Variants in LYZL1 observed in about 807,000 individuals in gnomAD.
LYZL1 encodes the protein lysozyme like 1.
Under a neutral mutation model 17.9 loss-of-function variants are expected in LYZL1, and 16 were observed. That is an observed-to-expected ratio of 0.90 (90% confidence interval 0.61 to 1.36). LYZL1 has a LOEUF of 1.36. Ranked by LOEUF, LYZL1 falls within the 40% of genes most tolerant of loss-of-function variation. LYZL1 has a pLI of 0.00. For missense variants in LYZL1, 149 were observed against 188.4 expected, an observed-to-expected ratio of 0.79 and a Z score of 1.22; for synonymous variants, 58 against 71.8, an observed-to-expected ratio of 0.81 and a Z score of 0.97.
At chr10:29,296,305 C>A (rs951885120) in intron 3 of LYZL1, among the ~76,000 whole-genome samples, 11 of 152,116 alleles carry the variant, frequency 7.2e-5, no homozygotes, top group Admixed American at 4.6e-4. Flanking sequence ...ACATCTGAAT[C>A]CTAAATCAGC....
chr10:29,316,921 T>C (rs1440218674), intron 3 of LYZL1, among the ~76,000 whole-genome samples: 1 of 152,132 alleles, frequency 6.6e-6, no homozygotes, highest in Non-Finnish European at 1.5e-5. Flanking sequence ...TCTTGCTATG[T>C]TGCCCAAGCT....
chr10:29,315,803 C>T (rs1455921805), downstream of LYZL1, among the ~76,000 whole-genome samples: 1 of 151,118 alleles, frequency 6.6e-6, no homozygotes, highest in Non-Finnish European at 1.5e-5. Context: ...GAGCTCTGAC[C>T]GTACCACCGC....
chr10:29,303,431 A>G (rs1183124004), intron 3 of LYZL1, among the ~76,000 whole-genome samples: 1 of 152,170 alleles, frequency 6.6e-6, no homozygotes, highest in Non-Finnish European at 1.5e-5. Context: ...ACAATTTTTC[A>G]TCTATTTTGT....
chr10:29,305,659 C>G (rs1347011399), intron 3 of LYZL1, among the ~76,000 whole-genome samples: 1 of 152,198 alleles, frequency 6.6e-6, no homozygotes, highest in African/African-American at 2.4e-5. Flanking sequence ...TTAGTTTTCA[C>G]TGTAGAATTG....
rs1835665830 is a variant in LYZL1, at chr10:29,311,097, T to A, written c.*38T>A. The A allele has an allele frequency of 6.2e-7, 1 of 1,613,990 alleles. No homozygotes were observed. Among genetic ancestry groups the A allele is most frequent in the African/African-American group, 1.3e-5 (1 of 74,948 alleles). On this transcript the variant is annotated 3_prime_UTR_variant, in exon 5 of 5. Transcript: ENST00000649382. The stretch of plus-strand genomic sequence containing the variant: ...CCCAGGATGCTTTGCAGCAACGCCC[T>A]AGGATTTGCAGTGAATGTCCAAATG...
exon 5 of LYZL1, chr10:29,318,177 A>G (rs1045295742): frequency 2.6e-5 from 26 of 985,276 alleles, no homozygotes; most frequent in Middle Eastern, 5.2e-4. Context: ...ATTCCAAACT[A>G]CAAGGGAAAA....
intron 3 of LYZL1, among the ~76,000 whole-genome samples, chr10:29,304,619 A>C (rs565336990): frequency 6.6e-6 from 1 of 152,212 alleles, no homozygotes; most frequent in Non-Finnish European, 1.5e-5. Context: ...TTCTTTATTC[A>C]TGTTTGACAG....
downstream of LYZL1, among the ~76,000 whole-genome samples, chr10:29,315,960 C>G (rs765504613): frequency 1.3e-5 from 2 of 152,234 alleles, no homozygotes; most frequent in Non-Finnish European, 2.9e-5. Context: ...GCCAGGCTTC[C>G]TCTGCAGTGC....
At chr10:29,304,474 C>T (rs549386380) in intron 3 of LYZL1, among the ~76,000 whole-genome samples, 4 of 151,516 alleles carry the variant, frequency 2.6e-5, no homozygotes, top group African/African-American at 4.8e-5. Context: ...AGGAGGATGC[C>T]GAGGAGAGAC....
At chr10:29,292,249 C>T (rs1835378863) in intron 2 of LYZL1, among the ~76,000 whole-genome samples, 1 of 150,788 alleles carries the variant, frequency 6.6e-6, no homozygotes, top group African/African-American at 2.4e-5. Flanking sequence ...GAAAATAATG[C>T]CACCTCTGCT....
At chr10:29,306,834 G>C (rs1291410112) in intron 3 of LYZL1, among the ~76,000 whole-genome samples, 1 of 124,338 alleles carries the variant, frequency 8.0e-6, no homozygotes, top group East Asian at 2.3e-4. Flanking sequence ...GTGTGTGAAA[G>C]AGATTGAGAG....
intron 4 of LYZL1, among the ~76,000 whole-genome samples, chr10:29,317,858 C>T (rs908318752): frequency 1.3e-5 from 2 of 151,338 alleles, no homozygotes; most frequent in East Asian, 3.9e-4. Flanking sequence ...GTGGGAGGAG[C>T]GATTGAGCCT....
chr10:29,297,601 C>G (rs986404332), intron 3 of LYZL1, among the ~76,000 whole-genome samples: 1 of 152,208 alleles, frequency 6.6e-6, no homozygotes, highest in Non-Finnish European at 1.5e-5. Flanking sequence ...ATTTCTTTGT[C>G]CAGCATATCC....
intron 1 of LYZL1, among the ~76,000 whole-genome samples, chr10:29,290,570 G>A (rs1213245853): frequency 1.3e-5 from 2 of 152,192 alleles, no homozygotes; most frequent in African/African-American, 4.8e-5. Context: ...GCTGGGCATG[G>A]TGGCTCACAC....
chr10:29,310,917 G>A, intron 4 of LYZL1, 73 bp from the exon 5 acceptor site: 1 of 1,611,982 alleles, frequency 6.2e-7, no homozygotes. Flanking sequence ...GTTAATTTCT[G>A]TAGGCTTTGA....
intron 3 of LYZL1, among the ~76,000 whole-genome samples, chr10:29,316,777 C>T (rs567985995): frequency 1.2e-3 from 179 of 145,134 alleles, no homozygotes; most frequent in Non-Finnish European, 2.2e-3. Flanking sequence ...AGTGCAGTGG[C>T]GTGATCTTGG....
chr10:29,312,833 A>G (rs371945167), downstream of LYZL1, among the ~76,000 whole-genome samples: 4 of 152,112 alleles, frequency 2.6e-5, no homozygotes, highest in East Asian at 5.8e-4. Flanking sequence ...GTCTTGTTCT[A>G]AATTTAGGTG....
At chr10:29,293,122 C>CTTT (rs1451187937) in intron 3 of LYZL1, among the ~76,000 whole-genome samples, 2 of 96,842 alleles carry the variant, frequency 2.1e-5, no homozygotes, top group African/African-American at 6.6e-5. Flanking sequence ...TTTTTCTTTT[C>CTTT]TTTTCTTTTT....
At chr10:29,293,098 C>A (rs1356618197) in intron 3 of LYZL1, among the ~76,000 whole-genome samples, 1 of 132,162 alleles carries the variant, frequency 7.6e-6, no homozygotes, top group Non-Finnish European at 1.7e-5. Flanking sequence ...TTCCCTTTTT[C>A]TTTTCTTTCT....
Sources: allele counts gnomAD v4.1 joint callset (sites outside exome capture counted in the v4.1 genomes callset), GRCh38; gene constraint gnomAD v4.1.1; transcripts MANE v1.5; gene names NCBI Gene and HGNC (gene_info 2026-07-23, HGNC 2026-07-21).